The following SSH1 variants were observed in gnomAD, a reference collection of about 807,000 sequenced individuals.
SSH1 encodes protein phosphatase Slingshot homolog 1.
Under a neutral mutation model 79.7 loss-of-function variants are expected in SSH1, and 43 were observed. The observed-to-expected ratio is 0.54, with a 90% CI of 0.42 to 0.70. SSH1 has a LOEUF of 0.70. SSH1 is among the 30% of genes least tolerant of loss of function. The pLI is 0.00. For synonymous variants in SSH1, 599 were observed against 538.3 expected (o/e 1.11, Z -1.56); for missense variants, 1,206 against 1,358.8 (o/e 0.89, Z 1.77).
At chr12:108,856,535 T>A (rs995617381) in intron 1 of SSH1, among the ~76,000 whole-genome samples, 6 of 152,012 alleles carry the variant, frequency 3.9e-5, no homozygotes, top group African/African-American at 1.4e-4. Flanking sequence ...CTGAGTGATG[T>A]TACAGAAAGG....
chr12:108,843,714 T>C (rs560289258), intron 2 of SSH1, among the ~76,000 whole-genome samples: 6 of 152,144 alleles, frequency 3.9e-5, no homozygotes, highest in Non-Finnish European at 8.8e-5. Flanking sequence ...TTTGTATTTT[T>C]AGCAGAGACA....
intron 2 of SSH1, chr12:108,837,066 T>C: frequency 2.4e-6 from 1 of 416,332 alleles, no homozygotes; most frequent in Middle Eastern, 6.1e-4. Context: ...CCCTATTCTC[T>C]ACTAAAAATA....
At position 108,785,368 on chromosome 12, in the gene SSH1, T is replaced by G. The variant is rs1245778776; in HGVS notation, c.*2620A>C. 6.6e-6 allele frequency: 1 copy of G among 152,232 alleles called. No individual in the cohort carries two copies. Among genetic ancestry groups the G allele is most frequent in the African/African-American group, 2.4e-5 (1 of 41,434 alleles). 9.4% of individuals were successfully genotyped at this position (152,232 alleles called of 1,614,324 possible). A position where few individuals can be genotyped will look rare whatever the true frequency, so the allele number is the denominator to read the frequency against. On this transcript the variant is annotated 3_prime_UTR_variant, in exon 15 of 15. Coordinates refer to ENST00000326495, the MANE Select transcript of SSH1 (RefSeq NM_018984.4). ...AACTCCTGACCTCAGATGATCCGCC[T>G]GCCTCGGCCTCCCAAAGTGCTAGGA... is the stretch of plus-strand genomic sequence containing the variant.
intron 2 of SSH1, among the ~76,000 whole-genome samples, chr12:108,847,375 A>C (rs2038921574): frequency 6.6e-6 from 1 of 152,024 alleles, no homozygotes; most frequent in South Asian, 2.1e-4. Context: ...TCAGAACCCC[A>C]CTGCCTTCCC....
chr12:108,827,615 A>G (rs1181525328), intron 2 of SSH1: 4 of 1,194,246 alleles, frequency 3.3e-6, no homozygotes, highest in Non-Finnish European at 4.2e-6. Flanking sequence ...AGGTTCCTCT[A>G]ATCACTGCAC....
chr12:108,847,676 C>T (rs939740118), intron 2 of SSH1, among the ~76,000 whole-genome samples: 1 of 152,116 alleles, frequency 6.6e-6, no homozygotes, highest in African/African-American at 2.4e-5. Flanking sequence ...AGGCTGGTCT[C>T]GAACTCCGGA....
intron 2 of SSH1, chr12:108,827,472 A>G: frequency 7.7e-7 from 1 of 1,298,586 alleles, no homozygotes; most frequent in Non-Finnish European, 9.8e-7. Context: ...CTGGGGAGCC[A>G]ACTCCTCCTC....
intron 14 of SSH1, among the ~76,000 whole-genome samples, chr12:108,789,659 C>A (rs556609019): frequency 2.6e-5 from 4 of 152,082 alleles, no homozygotes; most frequent in Non-Finnish European, 4.4e-5. Context: ...TAAGTCTCCG[C>A]GGAGGGAAGG....
At chr12:108,855,795 T>TA (rs2039132174) in intron 1 of SSH1, among the ~76,000 whole-genome samples, 1 of 152,208 alleles carries the variant, frequency 6.6e-6, no homozygotes, top group Non-Finnish European at 1.5e-5. Flanking sequence ...CTTTTGCCTC[T>TA]AATCAGCGTG....
chr12:108,844,527 T>A (rs1257553076), intron 2 of SSH1, among the ~76,000 whole-genome samples: 1 of 152,180 alleles, frequency 6.6e-6, no homozygotes, highest in East Asian at 1.9e-4. Flanking sequence ...GAAGCCTACT[T>A]GTTTACATGT....
At position 108,785,965 on chromosome 12, in the gene SSH1, C is replaced by T. The variant is rs1163037512; in HGVS notation, c.*2023G>A. The T allele has an allele frequency of 2.0e-5, 3 of 152,118 alleles. No homozygotes were observed. The highest frequency in any genetic ancestry group is 6.5e-5 in the Admixed American group (1 of 15,272). The allele number at this position is 152,118 out of a possible 1,614,324, so 9.4% of individuals were successfully genotyped here. ...CACCTTTTAAGGTGATTTTAATTGA[C>T]ACTAGTGGGAAAACAGCTCCCTATA... is the stretch of plus-strand genomic sequence containing the variant. On this transcript the variant is annotated 3_prime_UTR_variant, in exon 15 of 15. Transcript: ENST00000326495.
intron 1 of SSH1, among the ~76,000 whole-genome samples, chr12:108,855,365 G>A (rs2039123347): frequency 6.6e-6 from 1 of 152,130 alleles, no homozygotes; most frequent in Admixed American, 6.5e-5. Context: ...GCAGGTGAGG[G>A]CTAACGGGTA....
Position 108,806,350 on chromosome 12 carries a change from A to G in SSH1, c.776T>C (p.Leu259Pro). The change falls in exon 9 of 15, where the codon CTC becomes CCC. Residue 259 changes from leucine (L) to proline (P), a missense_variant. This residue lies in a region of SSH1 where 116 missense variants were observed against 109.0 expected (regional missense o/e 1.06). Coordinates refer to ENST00000326495, the MANE Select transcript of SSH1 (RefSeq NM_018984.4). ...ATCCTGGCTCATCATGATGCTTCGG[A>G]GCTTGGCTTTGATGAGGCGCTCGGT... ...ERTERLIKAK[L>P]RSIMMSQDLE... 6.2e-7 allele frequency: 1 copy of G among 1,613,984 alleles called. No individual in the cohort carries two copies. The highest frequency in any genetic ancestry group is 8.5e-7 in the Non-Finnish European group (1 of 1,179,992).
intron 2 of SSH1, among the ~76,000 whole-genome samples, chr12:108,850,785 G>A (rs114904534): frequency 0.016 from 2,117 of 130,130 alleles, 78 homozygotes; most frequent in African/African-American, 0.061. Context: ...TGGAGGGAGG[G>A]ATCTGGGGAA....
chr12:108,821,216 TACAC>T (rs34074449), intron 3 of SSH1, among the ~76,000 whole-genome samples: 133 of 147,300 alleles, frequency 9.0e-4, no homozygotes, highest in Admixed American at 1.4e-3. Flanking sequence ...AGACCTCATC[TACAC>T]ACACACACAC....
chr12:108,809,817 A>G (rs767993171), intron 6 of SSH1, 59 bp from the exon 7 acceptor site: 3 of 1,476,496 alleles, frequency 2.0e-6, no homozygotes, highest in Non-Finnish European at 2.8e-6. Context: ...CCTTGAGTGA[A>G]ATCACTCTGG....
chr12:108,788,514 C>T lies in SSH1; in HGVS notation c.2624G>A (p.Ser875Asn). 1 of 1,560,622 alleles carries T rather than the reference C, an allele frequency of 6.4e-7. No individual in the cohort carries two copies. The highest frequency in any genetic ancestry group is 8.7e-7 in the Non-Finnish European group (1 of 1,154,776). ...LHELGPLVMP[S>N]QAGSDEKSEA... ...TGACTTCTCATCACTCCCGGCCTGG[C>T]TGGGCATAACCAGGGGGCCCAGCTC... The change falls in exon 15 of 15, where the codon AGC (serine) becomes AAC (asparagine). Residue 875 changes from serine (S) to asparagine (N), a missense_variant. Coordinates refer to ENST00000326495, the MANE Select transcript of SSH1 (RefSeq NM_018984.4).
At chr12:108,852,803 C>G in intron 1 of SSH1, 125 bp from the exon 2 acceptor site, 1 of 1,580,264 alleles carries the variant, frequency 6.3e-7, no homozygotes, top group Non-Finnish European at 8.6e-7. Flanking sequence ...CTAGCTACTT[C>G]TAAACAGCCG....
chr12:108,823,237 G>C, intron 3 of SSH1, 21 bp downstream of exon 3: 5 of 1,554,012 alleles, frequency 3.2e-6, no homozygotes, highest in Non-Finnish European at 4.4e-6. Context: ...CAATGTAAGA[G>C]TATCAACTTA....
Sources: allele counts gnomAD v4.1 joint callset (sites outside exome capture counted in the v4.1 genomes callset), GRCh38; gene constraint gnomAD v4.1.1; regional missense constraint gnomAD v4.1.1; transcripts MANE v1.5; gene names NCBI Gene and HGNC (gene_info 2026-07-23, HGNC 2026-07-21).